Variants in OPCML observed in about 807,000 individuals in gnomAD.
OPCML encodes the protein opioid-binding protein/cell adhesion molecule.
OPCML carries 13 observed loss-of-function variants against 37.8 expected under a neutral mutation model. The observed-to-expected ratio is 0.34, with a 90% CI of 0.22 to 0.55. The LOEUF (loss-of-function observed/expected upper bound fraction) is 0.55, where lower values mean the gene tolerates loss of function less well. Ranked by LOEUF, OPCML falls within the 20% of genes least tolerant of loss-of-function variation. OPCML has a pLI of 0.91. For synonymous variants in OPCML, 176 were observed against 168.8 expected (o/e 1.04, Z -0.33); for missense variants, 341 against 435.6 (o/e 0.78, Z 1.93).
At chr11:133,359,011 T>A (rs761766756) in intron 1 of OPCML, among the ~76,000 whole-genome samples, 1 of 152,094 alleles carries the variant, frequency 6.6e-6, no homozygotes, top group Non-Finnish European at 1.5e-5. Context: ...GGGGGCCTAC[T>A]GATTGTGGCA....
intron 2 of OPCML, among the ~76,000 whole-genome samples, chr11:132,933,569 G>GAT (rs1565350214): frequency 6.9e-6 from 1 of 144,758 alleles, no homozygotes; most frequent in East Asian, 2.0e-4. Context: ...AGAAAAGGGA[G>GAT]ATGTGTGTGT....
chr11:133,481,735 A>G (rs1242448374), intron 1 of OPCML, among the ~76,000 whole-genome samples: 1 of 152,182 alleles, frequency 6.6e-6, no homozygotes, highest in East Asian at 1.9e-4. Flanking sequence ...ATGAGACAGA[A>G]AAAAAGGGGG....
intron 4 of OPCML, among the ~76,000 whole-genome samples, chr11:132,475,585 T>C (rs993741113): frequency 2.0e-5 from 3 of 152,082 alleles, no homozygotes; most frequent in South Asian, 2.1e-4. Context: ...GAAAAGAACA[T>C]GTGAAGAGGC....
intron 1 of OPCML, among the ~76,000 whole-genome samples, chr11:133,388,151 C>G (rs1455556974): frequency 6.6e-6 from 1 of 152,176 alleles, no homozygotes; most frequent in Admixed American, 6.5e-5. Context: ...TGCCTAGGAC[C>G]ATGGCTGGCC....
intron 1 of OPCML, among the ~76,000 whole-genome samples, chr11:133,272,885 G>A (rs1941891011): frequency 6.6e-6 from 1 of 152,316 alleles, no homozygotes; most frequent in East Asian, 1.9e-4. Flanking sequence ...GGAGTCAGCA[G>A]GGGGCAGAAG....
intron 1 of OPCML, among the ~76,000 whole-genome samples, chr11:133,286,844 G>A (rs372385403): frequency 3.3e-5 from 5 of 152,274 alleles, no homozygotes; most frequent in East Asian, 3.9e-4. Flanking sequence ...TACATGAACC[G>A]GTCAATCATT....
chr11:132,736,267 G>C lies in OPCML; in HGVS notation c.147-78948C>G, dbSNP rs1226330550. On this transcript the variant is annotated intron_variant, in intron 2 of 7. Transcript: ENST00000524381. ...TTTCTGATTGAGAGAAGCTACTCAA[G>C]GCTATATGGAAGGAAGCACACTGAA... Among the ~76,000 whole-genome samples the C allele has an allele frequency of 2.0e-5, 3 of 152,282 alleles. No homozygotes were observed. In the East Asian group the frequency reaches 5.8e-4, roughly 29 times the overall value.
intron 7 of OPCML, among the ~76,000 whole-genome samples, chr11:132,427,757 T>C (rs958871764): frequency 3.9e-5 from 6 of 152,188 alleles, no homozygotes; most frequent in Non-Finnish European, 8.8e-5. Flanking sequence ...GAACGCTCAA[T>C]GTTAAATTCT....
At chr11:132,709,927 AC>A (rs1479333554) in intron 2 of OPCML, among the ~76,000 whole-genome samples, 2 of 152,338 alleles carry the variant, frequency 1.3e-5, no homozygotes, top group Non-Finnish European at 1.5e-5. Flanking sequence ...GTCATTTTAA[AC>A]AAAAGTTGAC....
intron 1 of OPCML, among the ~76,000 whole-genome samples, chr11:133,435,293 G>A (rs947936961): frequency 6.6e-6 from 1 of 152,140 alleles, no homozygotes; most frequent in African/African-American, 2.4e-5. Context: ...TGTCCTGAAA[G>A]ATAAAATTCA....
chr11:132,943,133 A>G lies in OPCML; in HGVS notation c.62-123T>C, dbSNP rs1945641581. Reference sequence around the variant, plus strand: ...CTTCCCAGGACTCCGGCAGCCGCACAGTCCTGGTCCCCCGCCCCGCGCACC... The same window carrying G: ...CTTCCCAGGACTCCGGCAGCCGCACGGTCCTGGTCCCCCGCCCCGCGCACC... On this transcript the variant is annotated intron_variant, in intron 1 of 7. Transcript: ENST00000524381. The surrounding 1 kb of genome is among the most constrained non-coding windows in gnomAD (Gnocchi z 4.3). The G allele has an allele frequency of 9.3e-6, 15 of 1,610,024 alleles. No homozygotes were observed. Among genetic ancestry groups the G allele is most frequent in the East Asian group, 2.2e-5 (1 of 44,710 alleles).
chr11:132,626,114 C>T (rs922997235), intron 3 of OPCML, among the ~76,000 whole-genome samples: 2 of 151,438 alleles, frequency 1.3e-5, no homozygotes, highest in Non-Finnish European at 2.9e-5. Flanking sequence ...CAAGTAAGGA[C>T]GTTAATAGAT....
intron 1 of OPCML, chr11:133,006,819 C>T (rs577705110): frequency 1.1e-5 from 11 of 985,426 alleles, no homozygotes; most frequent in South Asian, 9.4e-5. Flanking sequence ...GGAGCAGTGA[C>T]ACCAGGGTAA....
intron 2 of OPCML, among the ~76,000 whole-genome samples, chr11:132,794,044 T>G (rs1938132339): frequency 6.6e-6 from 1 of 152,200 alleles, no homozygotes; most frequent in African/African-American, 2.4e-5. Flanking sequence ...TGTGGATAAT[T>G]CTTTTCTATT....
chr11:133,372,637 G>A (rs570283328), intron 1 of OPCML, among the ~76,000 whole-genome samples: 45 of 152,276 alleles, frequency 3.0e-4, no homozygotes, highest in South Asian at 1.2e-3. Flanking sequence ...TAATGTATGT[G>A]GATGTGTTTG....
At chr11:133,501,873 T>C (rs1401090861) in intron 1 of OPCML, among the ~76,000 whole-genome samples, 3 of 151,872 alleles carry the variant, frequency 2.0e-5, no homozygotes, top group Admixed American at 6.6e-5. Context: ...CTCCCCTCCG[T>C]CCTAATCCAG....
chr11:132,512,229 C>G (rs1308786317), intron 4 of OPCML, among the ~76,000 whole-genome samples: 1 of 151,980 alleles, frequency 6.6e-6, no homozygotes, highest in Admixed American at 6.6e-5. Context: ...CAATGACAAG[C>G]CTGTGGAACA....
At chr11:133,110,383 T>C (rs1949231191) in intron 1 of OPCML, among the ~76,000 whole-genome samples, 1 of 152,162 alleles carries the variant, frequency 6.6e-6, no homozygotes, top group Non-Finnish European at 1.5e-5. Flanking sequence ...TCCAGTTTTG[T>C]TCAGCCTGGT....
At chr11:132,600,441 C>T (rs953783906) in intron 3 of OPCML, among the ~76,000 whole-genome samples, 1 of 152,142 alleles carries the variant, frequency 6.6e-6, no homozygotes, top group African/African-American at 2.4e-5. Context: ...AGTTTCCTTG[C>T]TTATTATTTG....
Sources: gnomAD v4.1 joint callset for allele counts (sites outside exome capture counted in the v4.1 genomes callset) on GRCh38, gnomAD v4.1.1 for gene constraint, Gnocchi (gnomAD v3.1) non-coding constraint, MANE v1.5 for transcripts, NCBI Gene and HGNC (gene_info 2026-07-23, HGNC 2026-07-21) for gene names.